TPD52L1: variants seen among roughly 807,000 people sequenced by gnomAD.
The protein encoded by TPD52L1 is tumor protein D53.
A neutral mutation model predicts 28.7 loss-of-function variants in TPD52L1; 18 were observed. The ratio of observed to expected loss-of-function variants is 0.63; its 90% CI spans 0.43 to 0.93. The LOEUF is 0.93. Among genes scored for constraint, TPD52L1 ranks in the 40% least tolerant of loss-of-function variants. The pLI, the probability that TPD52L1 is intolerant of heterozygous loss-of-function variation, is 0.00. For synonymous variants in TPD52L1, 75 were observed against 88.8 expected (o/e 0.84, Z 0.88); for missense variants, 203 against 254.8 (o/e 0.80, Z 1.39).
At chr6:125,253,658 A>G in intron 4 of TPD52L1, 59 bp from the exon 5 acceptor site, 1 of 1,476,478 alleles carries the variant, frequency 6.8e-7, no homozygotes, top group Non-Finnish European at 9.4e-7. Context: ...TTTTTCATGT[A>G]CTTATGTGTG....
At chr6:125,163,760 T>C (rs1032281399) in intron 1 of TPD52L1, among the ~76,000 whole-genome samples, 5 of 150,796 alleles carry the variant, frequency 3.3e-5, no homozygotes, top group Admixed American at 2.0e-4. Context: ...ACCCCCTCTC[T>C]ACTAAAAATA....
chr6:125,185,442 T>C (rs1010789516), intron 1 of TPD52L1, among the ~76,000 whole-genome samples: 1 of 152,132 alleles, frequency 6.6e-6, no homozygotes, highest in African/African-American at 2.4e-5. Flanking sequence ...CCACATTCTT[T>C]AAGTATTGCC....
chr6:125,178,019 A>G (rs983248668), intron 1 of TPD52L1, among the ~76,000 whole-genome samples: 6 of 152,214 alleles, frequency 3.9e-5, no homozygotes, highest in Non-Finnish European at 7.3e-5. Flanking sequence ...ATTTCCACTT[A>G]AAAATCCCAA....
intron 2 of TPD52L1, among the ~76,000 whole-genome samples, chr6:125,228,513 G>A (rs1350873824): frequency 6.6e-6 from 1 of 152,058 alleles, no homozygotes; most frequent in Non-Finnish European, 1.5e-5. Flanking sequence ...TTCCATTCCT[G>A]CACCTATGCA....
intron 5 of TPD52L1, among the ~76,000 whole-genome samples, chr6:125,256,197 A>C (rs538469698): frequency 6.6e-6 from 1 of 152,258 alleles, no homozygotes; most frequent in Non-Finnish European, 1.5e-5. Context: ...AAAATTCAAA[A>C]AAAATAGCTG....
At chr6:125,172,262 C>T (rs1562212708) in intron 1 of TPD52L1, among the ~76,000 whole-genome samples, 1 of 136,068 alleles carries the variant, frequency 7.3e-6, no homozygotes, top group African/African-American at 2.8e-5. Context: ...CTTTTCCTTC[C>T]TTCTATCCAT....
chr6:125,192,505 T>C (rs1793117165), intron 1 of TPD52L1, among the ~76,000 whole-genome samples: 1 of 152,108 alleles, frequency 6.6e-6, no homozygotes, highest in Admixed American at 6.5e-5. Flanking sequence ...GGGGTTGTGC[T>C]GTTGCCAGAG....
chr6:125,235,514 C>T (rs905084363), intron 3 of TPD52L1, among the ~76,000 whole-genome samples: 1 of 152,134 alleles, frequency 6.6e-6, no homozygotes, highest in South Asian at 2.1e-4. Flanking sequence ...ACATGTGACC[C>T]ATAGGCCGCA....
intron 1 of TPD52L1, among the ~76,000 whole-genome samples, chr6:125,170,363 G>C (rs1791210878): frequency 6.6e-6 from 1 of 151,060 alleles, no homozygotes; most frequent in Non-Finnish European, 1.5e-5. Flanking sequence ...CCGAGATTAG[G>C]TTGTGTAGGG....
At chr6:125,162,817 A>G (rs972509299) in intron 1 of TPD52L1, among the ~76,000 whole-genome samples, 4 of 152,240 alleles carry the variant, frequency 2.6e-5, no homozygotes, top group African/African-American at 9.6e-5. Flanking sequence ...TAGTATATAA[A>G]TGTTTGCTGT....
rs112882308 is a variant in TPD52L1 at position 125,203,786 on chromosome 6, C to A, written c.20-16292C>A. On this transcript the variant is annotated intron_variant, in intron 1 of 6. Transcript: ENST00000534000. ...GAGGAACCACCCCATCTGTAAGGAA[C>A]CTAAGTTTCTGTATTTCTGGCTTTC... The A allele has an allele frequency of 4.0e-4, 393 of 985,416 alleles. 5 individuals carry two copies. In the African/African-American group the frequency reaches 5.0e-3, roughly 12 times the overall value. The allele number at this position is 985,416 out of a possible 1,614,324, so 61.0% of individuals were successfully genotyped here.
chr6:125,172,121 TTTC>T (rs1289715319), intron 1 of TPD52L1, among the ~76,000 whole-genome samples: 136 of 65,290 alleles, frequency 2.1e-3, no homozygotes, highest in African/African-American at 0.01. Flanking sequence ...TCTTTCTTTC[TTTC>T]TTTCTTTCTT....
chr6:125,248,400 C>A lies in TPD52L1; in HGVS notation c.386+17C>A. On this transcript the variant is annotated intron_variant, in intron 4 of 6. Transcript: ENST00000534000. ...AGACATGAGGTACTGTGGGAAAATACCATGGGAACGGCGCTAAGCCCTTGG... is the reference window on the plus strand; with the variant it reads ...AGACATGAGGTACTGTGGGAAAATAACATGGGAACGGCGCTAAGCCCTTGG... The A allele has an allele frequency of 1.5e-5, 24 of 1,601,952 alleles. No individual in the cohort carries two copies. Among genetic ancestry groups the A allele is most frequent in the Non-Finnish European group, 2.1e-5 (24 of 1,169,004 alleles).
At chr6:125,154,834 A>T (rs894274903) in intron 1 of TPD52L1, among the ~76,000 whole-genome samples, 1 of 152,102 alleles carries the variant, frequency 6.6e-6, no homozygotes, top group East Asian at 1.9e-4. Flanking sequence ...CCCAGAAGGG[A>T]TGGCTTGCGG....
At chr6:125,190,362 C>T (rs987685665) in intron 1 of TPD52L1, among the ~76,000 whole-genome samples, 2 of 151,942 alleles carry the variant, frequency 1.3e-5, no homozygotes, top group African/African-American at 4.8e-5. Context: ...TTGTGGGAGT[C>T]ACTGCAACAA....
intron 3 of TPD52L1, among the ~76,000 whole-genome samples, chr6:125,229,633 C>T (rs574134897): frequency 6.6e-6 from 1 of 152,294 alleles, no homozygotes; most frequent in South Asian, 2.1e-4. Flanking sequence ...CTCCTCAGCA[C>T]ACTTGACACT....
intron 1 of TPD52L1, among the ~76,000 whole-genome samples, chr6:125,158,845 TG>T (rs1282676816): frequency 6.6e-6 from 1 of 152,234 alleles, no homozygotes; most frequent in East Asian, 1.9e-4. Context: ...ACACGTTTTT[TG>T]GTTTTCTAGT....
intron 2 of TPD52L1, among the ~76,000 whole-genome samples, chr6:125,224,878 A>C (rs1476942801): frequency 1.3e-5 from 2 of 152,226 alleles, no homozygotes; most frequent in Non-Finnish European, 2.9e-5. Flanking sequence ...CTTTAGATAA[A>C]TTTATATAAC....
intron 1 of TPD52L1, among the ~76,000 whole-genome samples, chr6:125,155,376 T>G (rs1171990937): frequency 1.3e-5 from 2 of 152,238 alleles, no homozygotes; most frequent in African/African-American, 4.8e-5. Flanking sequence ...ATGGGTATAT[T>G]TGAAAGCTTA....
Sources: allele counts gnomAD v4.1 joint callset (sites outside exome capture counted in the v4.1 genomes callset), GRCh38; gene constraint gnomAD v4.1.1; transcripts MANE v1.5; gene names NCBI Gene and HGNC (gene_info 2026-07-23, HGNC 2026-07-21).